SSBP2: variants seen among roughly 807,000 people sequenced by gnomAD.
SSBP2 encodes single stranded DNA binding protein 2.
Under a neutral mutation model 61.8 loss-of-function variants are expected in SSBP2, and 17 were observed. That is an observed-to-expected ratio of 0.28 (90% CI 0.19 to 0.41). The LOEUF is 0.41. Ranked by LOEUF, SSBP2 falls within the 10% of genes least tolerant of loss-of-function variation. The pLI is 1.00. For missense variants in SSBP2, 310 were observed against 458.7 expected, an observed-to-expected ratio of 0.68 and a Z score of 2.96; for synonymous variants, 139 against 141.3, an observed-to-expected ratio of 0.98 and a Z score of 0.12.
intron 8 of SSBP2, among the ~76,000 whole-genome samples, chr5:81,469,653 A>G (rs1765119944): frequency 6.6e-6 from 1 of 151,990 alleles, no homozygotes; most frequent in African/African-American, 2.4e-5. Context: ...CCTGGCACAC[A>G]GTAGGCCTTC....
At chr5:81,562,491 A>G (rs1213643782) in intron 4 of SSBP2, among the ~76,000 whole-genome samples, 7 of 152,182 alleles carry the variant, frequency 4.6e-5, no homozygotes, top group Admixed American at 4.6e-4. Flanking sequence ...AACAGAAATC[A>G]AAACAAACAA....
chr5:81,582,635 G>A (rs375234183), intron 4 of SSBP2, among the ~76,000 whole-genome samples: 1 of 151,860 alleles, frequency 6.6e-6, no homozygotes, highest in African/African-American at 2.4e-5. Context: ...GCTGCATCAC[G>A]CAGGATGGAG....
intron 3 of SSBP2, among the ~76,000 whole-genome samples, chr5:81,627,700 G>A (rs1015533532): frequency 6.6e-5 from 10 of 151,990 alleles, no homozygotes; most frequent in African/African-American, 2.4e-4. Context: ...TTGATTTCAG[G>A]ATATAAATAC....
chr5:81,515,255 C>G (rs991849783), intron 4 of SSBP2, among the ~76,000 whole-genome samples: 4 of 151,896 alleles, frequency 2.6e-5, no homozygotes. Context: ...AAGATTTGAT[C>G]TATATCTTTA....
At chr5:81,736,537 T>C (rs1756638399) in intron 1 of SSBP2, among the ~76,000 whole-genome samples, 1 of 152,192 alleles carries the variant, frequency 6.6e-6, no homozygotes. Flanking sequence ...GTTTTTCTCA[T>C]TAAATATCAA....
rs570997592 is a variant in SSBP2, at chr5:81,449,712, T to C, written c.688-887A>G. ...ATAAGGAAGTACAACCAAGTTATGATTTCCTCTTGATAAATATTTGTTTTT... is the reference window on the plus strand; with the variant it reads ...ATAAGGAAGTACAACCAAGTTATGACTTCCTCTTGATAAATATTTGTTTTT... On this transcript the variant is annotated intron_variant, in intron 10 of 16. Transcript: ENST00000320672. Among the ~76,000 whole-genome samples the C allele has an allele frequency of 2.0e-5, 3 of 152,280 alleles. No individual in the cohort carries two copies. The South Asian group carries it at 6.2e-4, about 32-fold the overall frequency.
At chr5:81,449,992 T>C (rs183291168) in intron 10 of SSBP2, among the ~76,000 whole-genome samples, 1 of 152,196 alleles carries the variant, frequency 6.6e-6, no homozygotes, top group East Asian at 1.9e-4. Flanking sequence ...CTCTCTTGGG[T>C]CCCTTTCAGT....
chr5:81,459,634 GA>G (rs1336189701), intron 10 of SSBP2, among the ~76,000 whole-genome samples: 1 of 152,178 alleles, frequency 6.6e-6, no homozygotes, highest in East Asian at 1.9e-4. Context: ...CTGGCACTGG[GA>G]AGAGTTTTGT....
At chr5:81,613,848 C>G (rs1405239101) in intron 4 of SSBP2, among the ~76,000 whole-genome samples, 1 of 149,424 alleles carries the variant, frequency 6.7e-6, no homozygotes, top group Non-Finnish European at 1.5e-5. Context: ...TTCTGTCAAC[C>G]AAGGGTAAAA....
chr5:81,478,364 A>G (rs912527236), intron 6 of SSBP2, among the ~76,000 whole-genome samples: 1 of 151,840 alleles, frequency 6.6e-6, no homozygotes, highest in South Asian at 2.1e-4. Context: ...TTTCTGATAC[A>G]GAGTCTTACT....
rs569020302 is a variant in SSBP2, at chr5:81,746,958, T to C, written c.62+4023A>G. ...TGTGTGGCTTTAAGTTCAGCAACAT[T>C]TCATATAGGAATTGTTCACAACTAT... is the stretch of plus-strand genomic sequence containing the variant. On this transcript the variant is annotated intron_variant, in intron 1 of 16. Transcript: ENST00000320672. Among the ~76,000 whole-genome samples, 4 of 145,310 alleles carry C rather than the reference T, an allele frequency of 2.8e-5. No homozygotes were observed. The South Asian group carries it at 8.9e-4, about 32-fold the overall frequency.
chr5:81,702,106 C>T (rs1002022235), intron 1 of SSBP2, among the ~76,000 whole-genome samples: 1 of 152,138 alleles, frequency 6.6e-6, no homozygotes, highest in Non-Finnish European at 1.5e-5. Context: ...GGCACGGCAG[C>T]TCACGCCTGT....
At chr5:81,603,789 CTAGT>C (rs1744612813) in intron 4 of SSBP2, among the ~76,000 whole-genome samples, 2 of 152,048 alleles carry the variant, frequency 1.3e-5, no homozygotes, top group Middle Eastern at 6.3e-3. Flanking sequence ...TGTGTTTTTA[CTAGT>C]TAAATTTTAT....
intron 4 of SSBP2, among the ~76,000 whole-genome samples, chr5:81,562,314 T>G (rs575041231): frequency 8.5e-5 from 13 of 152,192 alleles, no homozygotes; most frequent in Non-Finnish European, 1.9e-4. Context: ...TTGCCTACCA[T>G]AAGTAAGATA....
chr5:81,746,606 G>A (rs548608155), intron 1 of SSBP2, among the ~76,000 whole-genome samples: 1 of 152,170 alleles, frequency 6.6e-6, no homozygotes, highest in South Asian at 2.1e-4. Flanking sequence ...ATATGAAGTG[G>A]CATTTAAATG....
chr5:81,705,211 T>TTC lies in SSBP2; in HGVS notation c.62+45769_62+45770insGA, dbSNP rs1233988333. On this transcript the variant is annotated intron_variant, in intron 1 of 16. Transcript: ENST00000320672. ...ATGTGAACACTCTTGTGCATAGTGA[T>TTC]AGGGGAGAGGAAAACACTTGAAAAT... is the stretch of plus-strand genomic sequence containing the variant. Among the ~76,000 whole-genome samples, 5 of 152,160 alleles carry TTC rather than the reference T, an allele frequency of 3.3e-5. 1 individual carries two copies. The highest frequency in any genetic ancestry group is 9.7e-5 in the African/African-American group (4 of 41,444).
At chr5:81,442,588 T>G in intron 13 of SSBP2, 65 bp downstream of exon 13, 2 of 837,400 alleles carry the variant, frequency 2.4e-6, no homozygotes, top group Non-Finnish European at 3.9e-6. Context: ...ATACAGGACA[T>G]GGAATGCACT....
At chr5:81,434,440 C>A (rs1054488384) in intron 15 of SSBP2, among the ~76,000 whole-genome samples, 1 of 151,762 alleles carries the variant, frequency 6.6e-6, no homozygotes, top group African/African-American at 2.4e-5. Flanking sequence ...GATGGATCAC[C>A]TGAGGTCAGG....
At chr5:81,489,906 T>C (rs1766726034) in intron 5 of SSBP2, among the ~76,000 whole-genome samples, 1 of 152,044 alleles carries the variant, frequency 6.6e-6, no homozygotes, top group Admixed American at 6.6e-5. Flanking sequence ...TAGTCCCACC[T>C]ACTCGGGAGG....
Sources: allele counts gnomAD v4.1 joint callset (sites outside exome capture counted in the v4.1 genomes callset), GRCh38; gene constraint gnomAD v4.1.1; transcripts MANE v1.5; gene names NCBI Gene and HGNC (gene_info 2026-07-23, HGNC 2026-07-21).